The following TNRC18 variants were observed in gnomAD, a reference collection of about 807,000 sequenced individuals.
TNRC18 encodes trinucleotide repeat containing 18.
A neutral mutation model predicts 226.7 loss-of-function variants in TNRC18; 69 were observed. The ratio of observed to expected loss-of-function variants is 0.30; its 90% CI spans 0.25 to 0.37. The LOEUF is 0.37. Among genes scored for constraint, TNRC18 ranks in the 10% least tolerant of loss-of-function variants. The probability of loss-of-function intolerance (pLI) is 1.00; values close to 1 mark genes in which losing one functional copy is unlikely to be tolerated. For missense variants in TNRC18, 4,754 were observed against 4,256.6 expected, an observed-to-expected ratio of 1.12 and a Z score of -3.25; for synonymous variants, 2,449 against 1,927.6, an observed-to-expected ratio of 1.27 and a Z score of -7.09.
At position 5,313,664 on chromosome 7, in the gene TNRC18, G is replaced by C. The variant is rs897938716; in HGVS notation, c.7227C>G (p.Pro2409=). ...GAGCTGGCAGCTCTGCAAATGGCTC[G>C]GGTGCTGGGCAGCTGGTGAAGGCGG... ...APPAFTSCPA[P]EPFAELPAPA... The change falls in exon 27 of 30, where the codon CCC becomes CCG. Residue 2409 remains proline (P), a synonymous_variant. Coordinates refer to ENST00000430969, the MANE Select transcript of TNRC18 (RefSeq NM_001080495.3). 2.5e-6 allele frequency: 4 copies of C among 1,605,434 alleles called. No individual in the cohort carries two copies. Among genetic ancestry groups the C allele is most frequent in the Admixed American group, 3.4e-5 (2 of 58,750 alleles).
chr7:5,321,022 G>T, intron 22 of TNRC18, 51 bp downstream of exon 22: 1 of 1,333,010 alleles, frequency 7.5e-7, no homozygotes, highest in South Asian at 1.3e-5. Flanking sequence ...GCCGGGACAC[G>T]GGGCGGGTAT....
At chr7:5,416,942 T>G (rs1462118397) in intron 2 of TNRC18, among the ~76,000 whole-genome samples, 1 of 148,368 alleles carries the variant, frequency 6.7e-6, no homozygotes, top group Non-Finnish European at 1.5e-5. Context: ...ATAAACGCAA[T>G]ACTGCACTCA....
At position 5,388,389 on chromosome 7, in the gene TNRC18, G is replaced by A. The variant is rs1308278585; in HGVS notation, c.1435C>T (p.Pro479Ser). Reference sequence around the variant, plus strand: ...GCTGCAGGACCGGCTGGGCCGCGGGGCGCACGCTCGCAGGGCCTCGGGTCC... The same window carrying A: ...GCTGCAGGACCGGCTGGGCCGCGGGACGCACGCTCGCAGGGCCTCGGGTCC... The part of the protein sequence containing the change: ...EADPRPCERA[P>S]RGPAGPAAQQ... The change falls in exon 5 of 30, where the codon CCC (proline) becomes TCC (serine). Residue 479 changes from proline to serine, a missense_variant. Physicochemically the swap from Pro to Ser is moderately conservative, Grantham distance 74. Coordinates refer to ENST00000430969, the MANE Select transcript of TNRC18 (RefSeq NM_001080495.3). The A allele has an allele frequency of 2.6e-6, 4 of 1,518,670 alleles. No individual in the cohort carries two copies. The highest frequency in any genetic ancestry group is 1.4e-5 in the African/African-American group (1 of 69,996). The allele number at this position is 1,518,670 out of a possible 1,614,324, so 94.1% of individuals were successfully genotyped here.
chr7:5,352,918 G>C (rs1791977981), intron 16 of TNRC18, among the ~76,000 whole-genome samples: 1 of 152,086 alleles, frequency 6.6e-6, no homozygotes, highest in South Asian at 2.1e-4. Flanking sequence ...ACTCCAGACG[G>C]GGGGAACGTG....
intron 11 of TNRC18, among the ~76,000 whole-genome samples, chr7:5,366,682 CA>C (rs1793658224): frequency 6.6e-6 from 1 of 152,078 alleles, no homozygotes; most frequent in Non-Finnish European, 1.5e-5. Flanking sequence ...GATCAGCTCC[CA>C]AAGGTTGATG....
At position 5,324,586 on chromosome 7, in the gene TNRC18, G is replaced by A. The variant is rs1371027583; in HGVS notation, c.6301-231C>T. Among the ~76,000 whole-genome samples, 6 of 152,326 alleles carry A rather than the reference G, an allele frequency of 3.9e-5. No individual in the cohort carries two copies. The highest frequency in any genetic ancestry group is 2.1e-4 in the South Asian group (1 of 4,824). On this transcript the variant is annotated intron_variant, in intron 20 of 29. Transcript: ENST00000430969. The surrounding 1 kb of genome is among the most constrained non-coding windows in gnomAD (Gnocchi z 4.8). ...CGGTGCTCAATACTCAGTACTCTGTGCTCAGTATCAGCACTCAGCACTCAG... is the reference window on the plus strand; with the variant it reads ...CGGTGCTCAATACTCAGTACTCTGTACTCAGTATCAGCACTCAGCACTCAG...
At chr7:5,311,492 G>A (rs1787200813) in intron 27 of TNRC18, among the ~76,000 whole-genome samples, 1 of 152,216 alleles carries the variant, frequency 6.6e-6, no homozygotes, top group Admixed American at 6.5e-5. Flanking sequence ...TAGTGGCCAG[G>A]AGCCCGGGGC....
At chr7:5,409,315 T>C (rs185302347) in intron 2 of TNRC18, among the ~76,000 whole-genome samples, 1 of 151,148 alleles carries the variant, frequency 6.6e-6, no homozygotes, top group Non-Finnish European at 1.5e-5. Context: ...ATCCTAGTAA[T>C]GGGAATTAAT....
chr7:5,331,271 G>A (rs746556834), intron 19 of TNRC18, among the ~76,000 whole-genome samples: 5 of 152,146 alleles, frequency 3.3e-5, no homozygotes, highest in African/African-American at 9.7e-5. Context: ...AAGTCTGAAC[G>A]CATCCAAATA....
chr7:5,394,281 G>C lies in TNRC18; in HGVS notation c.343+159C>G, dbSNP rs1033108700. Among the ~76,000 whole-genome samples, 3 of 152,100 alleles carry C rather than the reference G, an allele frequency of 2.0e-5. No homozygotes were observed. The highest frequency in any genetic ancestry group is 4.4e-5 in the Non-Finnish European group (3 of 68,026). Reference sequence around the variant, plus strand: ...TACAAATGCCCTGTGACAGTGACAAGAAGAAGCCCTGAGCGTTTGAGAAAC... The same window carrying C: ...TACAAATGCCCTGTGACAGTGACAACAAGAAGCCCTGAGCGTTTGAGAAAC... On this transcript the variant is annotated intron_variant, in intron 3 of 29. Transcript: ENST00000430969. This position sits in a 1 kb window ranked among gnomAD's most constrained non-coding sequence, Gnocchi z 4.5.
rs915881091 is a variant in TNRC18 at position 5,377,029 on chromosome 7, G to A, written c.2462-36C>T. ...AAGCCCAGGCCTGAGTCAGTGCTGGGAGCCCCCAAGCGGTTTGTCCTCGGG... is the reference window on the plus strand; with the variant it reads ...AAGCCCAGGCCTGAGTCAGTGCTGGAAGCCCCCAAGCGGTTTGTCCTCGGG... On this transcript the variant is annotated intron_variant, in intron 7 of 29. Coordinates refer to ENST00000430969, the MANE Select transcript of TNRC18 (RefSeq NM_001080495.3). This position sits in a 1 kb window ranked among gnomAD's most constrained non-coding sequence, Gnocchi z 5.8. The A allele has an allele frequency of 1.3e-6, 2 of 1,550,198 alleles. No individual in the cohort carries two copies. The highest frequency in any genetic ancestry group is 2.4e-5 in the East Asian group (1 of 41,470).
chr7:5,309,074 C>T lies in TNRC18; in HGVS notation c.8625+58G>A. ...TGCTCCAGCACCCAGAACGCCTCGC[C>T]CTCAGGTCTGCCCTACACCGCCTAG... On this transcript the variant is annotated intron_variant, in intron 28 of 29. Coordinates refer to ENST00000430969, the MANE Select transcript of TNRC18 (RefSeq NM_001080495.3). The surrounding 1 kb of genome is among the most constrained non-coding windows in gnomAD (Gnocchi z 5.7). 2.6e-6 allele frequency: 4 copies of T among 1,525,268 alleles called. No individual in the cohort carries two copies. Among genetic ancestry groups the T allele is most frequent in the Non-Finnish European group, 3.6e-6 (4 of 1,123,332 alleles). The allele number at this position is 1,525,268 out of a possible 1,614,324, so 94.5% of individuals were successfully genotyped here. A position where few individuals can be genotyped will look rare whatever the true frequency, so the allele number is the denominator to read the frequency against.
At chr7:5,372,707 T>A (rs1289199296) in intron 10 of TNRC18, among the ~76,000 whole-genome samples, 5 of 151,772 alleles carry the variant, frequency 3.3e-5, no homozygotes, top group African/African-American at 1.2e-4. Flanking sequence ...AGAGTGAGAC[T>A]CTATCTCAAA....
rs79403865 is a variant in TNRC18, at chr7:5,308,411, C to A, written c.8701-99G>T. The A allele has an allele frequency of 2.1e-3, 2,407 of 1,133,254 alleles. 13 individuals carry two copies. In the African/African-American group the frequency reaches 0.023, roughly 11 times the overall value. 70.2% of individuals were successfully genotyped at this position (1,133,254 alleles called of 1,614,324 possible). A position where few individuals can be genotyped will look rare whatever the true frequency, so the allele number is the denominator to read the frequency against. On this transcript the variant is annotated intron_variant, in intron 29 of 29. Transcript: ENST00000430969. ...GACAGAGACAGAAGCAGAGGGAGCCCCAGGGACTGAGACAGAGACCAAGTC... is the reference window on the plus strand; with the variant it reads ...GACAGAGACAGAAGCAGAGGGAGCCACAGGGACTGAGACAGAGACCAAGTC...
intron 17 of TNRC18, among the ~76,000 whole-genome samples, chr7:5,348,805 C>T (rs919459384): frequency 6.6e-6 from 1 of 152,198 alleles, no homozygotes; most frequent in East Asian, 1.9e-4. Flanking sequence ...TGCACACTTG[C>T]GATCATTCAC....
chr7:5,407,830 G>C (rs932618482), intron 2 of TNRC18, among the ~76,000 whole-genome samples: 8 of 152,108 alleles, frequency 5.3e-5, no homozygotes, highest in African/African-American at 1.9e-4. Flanking sequence ...CCACCTCCCA[G>C]GGTGGAAAAA....
In TNRC18 at chr7:5,388,624, G is replaced by A. The variant is rs1480103192; in HGVS notation, c.1200C>T (p.Arg400=). The A allele has an allele frequency of 9.4e-6, 12 of 1,279,714 alleles. No homozygotes were observed. The highest frequency in any genetic ancestry group is 4.4e-5 in the Admixed American group (1 of 22,724). The allele number at this position is 1,279,714 out of a possible 1,614,324, so 79.3% of individuals were successfully genotyped here. ...CCCCTGGCCTGCCAGCCTCGCGCTC[G>A]CGGGCCCGGGCATCGCGCGCCTGGG... ...IASQARDARA[R]EREAGRPGVL... is the part of the protein sequence containing the mutation. The change falls in exon 5 of 30, where the codon CGC becomes CGT. Residue 400 remains arginine (R), a synonymous_variant. Coordinates refer to ENST00000430969, the MANE Select transcript of TNRC18 (RefSeq NM_001080495.3).
intron 19 of TNRC18, among the ~76,000 whole-genome samples, chr7:5,326,822 A>G (rs994582112): frequency 5.3e-5 from 8 of 151,806 alleles, no homozygotes; most frequent in Non-Finnish European, 1.2e-4. Context: ...AATAAAATAA[A>G]ATTAAGGAAA....
rs763524914 is a variant in TNRC18, at chr7:5,370,940, C to T, written c.3654G>A (p.Glu1218=). Reference sequence around the variant, plus strand: ...CAGGCCCCTCCACAAAGTCTGGACACTCAGAGGGCTCTGCGCAGCTCTGCC... The same window carrying T: ...CAGGCCCCTCCACAAAGTCTGGACATTCAGAGGGCTCTGCGCAGCTCTGCC... ...ATGQSCAEPS[E]CPDFVEGPEP... Residue 1218 remains glutamate, a synonymous_variant, in exon 11 of 30, where the codon GAG becomes GAA. Transcript: ENST00000430969. The T allele has an allele frequency of 7.5e-6, 12 of 1,605,288 alleles. No homozygotes were observed. The highest frequency in any genetic ancestry group is 8.5e-6 in the Non-Finnish European group (10 of 1,179,740).
Sources: allele counts gnomAD v4.1 joint callset (sites outside exome capture counted in the v4.1 genomes callset), GRCh38; gene constraint gnomAD v4.1.1; non-coding constraint Gnocchi (gnomAD v3.1); transcripts MANE v1.5; gene names NCBI Gene and HGNC (gene_info 2026-07-23, HGNC 2026-07-21).